Variants in CHST12 observed in about 807,000 individuals in gnomAD.
CHST12 encodes carbohydrate sulfotransferase 12.
CHST12 carries 23 observed loss-of-function variants against 27.9 expected under a neutral mutation model. That is an observed-to-expected ratio of 0.82 (90% CI 0.59 to 1.17). The LOEUF is 1.17. Among genes scored for constraint, CHST12 ranks in the 50% most tolerant of loss-of-function variants. The pLI is 0.00. For missense variants in CHST12, 682 were observed against 603.0 expected (o/e 1.13, Z -1.37); for synonymous variants, 322 against 273.0 (o/e 1.18, Z -1.77).
intron 1 of CHST12, among the ~76,000 whole-genome samples, chr7:2,420,191 T>A (rs1256622512): frequency 6.6e-6 from 1 of 151,326 alleles, no homozygotes; most frequent in Admixed American, 6.6e-5. Context: ...GCCAGGATGG[T>A]CTTGATCTCC....
At chr7:2,411,209 A>G (rs544881550) in intron 1 of CHST12, among the ~76,000 whole-genome samples, 1 of 152,204 alleles carries the variant, frequency 6.6e-6, no homozygotes, top group Admixed American at 6.5e-5. Flanking sequence ...CAGCCTCCTG[A>G]GTAGCTGGGA....
Position 2,437,062 on chromosome 7 carries a change from GT to G in CHST12, c.*3184del, listed in dbSNP as rs1003784278. 2 of 152,254 alleles carry G rather than the reference GT, an allele frequency of 1.3e-5. No homozygotes were observed. The highest frequency in any genetic ancestry group is 4.8e-5 in the African/African-American group (2 of 41,464). The allele number at this position is 152,254 out of a possible 1,614,324, so 9.4% of individuals were successfully genotyped here. On this transcript the variant is annotated 3_prime_UTR_variant, in exon 2 of 2. Transcript: ENST00000618655. ...CACTGCGTAGAGACCTTTGGCTCTG[GT>G]TTTTTCTTTTTCCACTGAAACACAG... is the stretch of plus-strand genomic sequence containing the variant.
chr7:2,433,449 C>G lies in CHST12; in HGVS notation c.810C>G (p.Phe270Leu), dbSNP rs777456839. ...ELENEEFYRKFAVPMLRLYAN... is the reference protein window; with the variant it reads ...ELENEEFYRKLAVPMLRLYAN... ...AGAACGAGGAGTTCTACCGCAAGTT[C>G]GCCGTGCCCATGCTGCGGCTGTACG... The change falls in exon 2 of 2, where the codon TTC becomes TTG. Residue 270 changes from phenylalanine (F) to leucine (L), a missense_variant. Transcript: ENST00000618655. This position sits in a 1 kb window ranked among gnomAD's most constrained non-coding sequence, Gnocchi z 6.1. The G allele has an allele frequency of 6.2e-7, 1 of 1,610,220 alleles. No homozygotes were observed. Among genetic ancestry groups the G allele is most frequent in the Non-Finnish European group, 8.5e-7 (1 of 1,179,926 alleles).
intron 1 of CHST12, among the ~76,000 whole-genome samples, chr7:2,430,997 C>T (rs749402651): frequency 1.2e-4 from 18 of 152,322 alleles, no homozygotes; most frequent in South Asian, 2.1e-4. Context: ...CTGCATATGT[C>T]GGTTATGTCC....
At chr7:2,428,599 G>C (rs1356794022) in intron 1 of CHST12, among the ~76,000 whole-genome samples, 3 of 152,072 alleles carry the variant, frequency 2.0e-5, no homozygotes, top group African/African-American at 7.2e-5. Context: ...GGTTAGTGAG[G>C]GATTTAGGGT....
chr7:2,427,091 A>G (rs1782142596), intron 1 of CHST12, among the ~76,000 whole-genome samples: 1 of 151,746 alleles, frequency 6.6e-6, no homozygotes. Context: ...AGGCTGAGGC[A>G]TGAGAATCAC....
chr7:2,418,217 A>T lies in CHST12; in HGVS notation c.-77-14346A>T, dbSNP rs181621419. Among the ~76,000 whole-genome samples the T allele has an allele frequency of 8.3e-4, 127 of 152,362 alleles. 2 individuals are homozygous for T. The highest frequency in any genetic ancestry group is 3.3e-4 in the Admixed American group (5 of 15,310). On this transcript the variant is annotated intron_variant, in intron 1 of 1. Transcript: ENST00000618655. The stretch of plus-strand genomic sequence containing the variant: ...CTTCATGCCCTGCATGTTGTGTGTG[A>T]GCAAAGAAATATTTAACAGCCCCAC...
intron 1 of CHST12, among the ~76,000 whole-genome samples, chr7:2,410,296 C>G (rs909675629): frequency 6.6e-6 from 1 of 152,142 alleles, no homozygotes. Context: ...TGAGGCAGGA[C>G]GAGGACCTCC....
In CHST12 at chr7:2,440,071, C is replaced by A. The variant is rs948239503; in HGVS notation, c.*6187C>A. On this transcript the variant is annotated 3_prime_UTR_variant, in exon 2 of 2. Coordinates refer to ENST00000618655, the MANE Select transcript of CHST12 (RefSeq NM_018641.5). ...TGGGGAGGCTAATGAAGAAAGGACA[C>A]CTGGTTTGAAGGCTTCTCTGTGTCT... The A allele has an allele frequency of 6.6e-5, 10 of 152,146 alleles. No homozygotes were observed. The highest frequency in any genetic ancestry group is 1.3e-4 in the Admixed American group (2 of 15,260). The allele number at this position is 152,146 out of a possible 1,614,324, so 9.4% of individuals were successfully genotyped here.
chr7:2,418,037 C>T (rs929554810), intron 1 of CHST12, among the ~76,000 whole-genome samples: 2 of 152,248 alleles, frequency 1.3e-5, no homozygotes, highest in African/African-American at 4.8e-5. Context: ...TGACACACAG[C>T]TGAACACGAG....
intron 1 of CHST12, among the ~76,000 whole-genome samples, chr7:2,425,623 G>C (rs181042260): frequency 6.6e-6 from 1 of 151,984 alleles, no homozygotes; most frequent in Non-Finnish European, 1.5e-5. Flanking sequence ...GCCCACACGC[G>C]GGACAGGTGC....
chr7:2,434,015 C>G lies in CHST12; in HGVS notation c.*131C>G. ...TGCCTCTATCCATTGAGTACTGTAT[C>G]GATATTGTTTTTTAAGATTAATATA... On this transcript the variant is annotated 3_prime_UTR_variant, in exon 2 of 2. Transcript: ENST00000618655. The G allele has an allele frequency of 1.5e-6, 1 of 666,156 alleles. No homozygotes were observed. The highest frequency in any genetic ancestry group is 2.5e-6 in the Non-Finnish European group (1 of 393,460). 41.3% of individuals were successfully genotyped at this position (666,156 alleles called of 1,614,324 possible). A position where few individuals can be genotyped will look rare whatever the true frequency, so the allele number is the denominator to read the frequency against.
intron 1 of CHST12, among the ~76,000 whole-genome samples, chr7:2,430,998 G>A (rs993542935): frequency 3.9e-5 from 6 of 152,220 alleles, no homozygotes; most frequent in South Asian, 2.1e-4. Flanking sequence ...TGCATATGTC[G>A]GTTATGTCCT....
intron 1 of CHST12, among the ~76,000 whole-genome samples, chr7:2,427,335 T>TA (rs936042477): frequency 7.9e-5 from 12 of 152,158 alleles, no homozygotes; most frequent in Admixed American, 6.6e-4. Flanking sequence ...CACAACTCTA[T>TA]AAAAAATTTT....
chr7:2,421,331 A>C (rs1251716120), intron 1 of CHST12, among the ~76,000 whole-genome samples: 56 of 147,224 alleles, frequency 3.8e-4, no homozygotes, highest in East Asian at 1.4e-3. Flanking sequence ...CTGCAGCCTC[A>C]AACTCTTGGG....
At chr7:2,420,163 C>T (rs1404833557) in intron 1 of CHST12, among the ~76,000 whole-genome samples, 4 of 151,556 alleles carry the variant, frequency 2.6e-5, no homozygotes, top group East Asian at 1.9e-4. Context: ...TTAGTAGAGA[C>T]GGGGTTTCAC....
intron 1 of CHST12, among the ~76,000 whole-genome samples, chr7:2,425,239 G>A (rs938058056): frequency 1.6e-5 from 2 of 123,170 alleles, no homozygotes; most frequent in Non-Finnish European, 3.4e-5. Flanking sequence ...AAAAAAAAAC[G>A]TAAAAAAACA....
At chr7:2,420,557 C>G (rs1049778433) in intron 1 of CHST12, among the ~76,000 whole-genome samples, 3 of 152,114 alleles carry the variant, frequency 2.0e-5, no homozygotes, top group African/African-American at 7.2e-5. Context: ...CCTGTCATCC[C>G]AGCACTTTGG....
intron 1 of CHST12, among the ~76,000 whole-genome samples, chr7:2,430,371 A>AG (rs1782241343): frequency 6.6e-6 from 1 of 152,008 alleles, no homozygotes; most frequent in Admixed American, 6.6e-5. Context: ...GTTGGAGTGC[A>AG]GTGGCACAAT....
Sources: gnomAD v4.1 joint callset for allele counts (sites outside exome capture counted in the v4.1 genomes callset) on GRCh38, gnomAD v4.1.1 for gene constraint, Gnocchi (gnomAD v3.1) non-coding constraint, MANE v1.5 for transcripts, NCBI Gene and HGNC (gene_info 2026-07-23, HGNC 2026-07-21) for gene names.